BLOC1S5: variants seen among roughly 807,000 people sequenced by gnomAD.
BLOC1S5 encodes the protein biogenesis of lysosome-related organelles complex 1 subunit 5.
Under a neutral mutation model 24.3 loss-of-function variants are expected in BLOC1S5, and 27 were observed. The ratio of observed to expected loss-of-function variants is 1.11; its 90% confidence interval spans 0.82 to 1.53. BLOC1S5 has a LOEUF of 1.53. Ranked by LOEUF, BLOC1S5 falls within the 40% of genes most tolerant of loss-of-function variation. BLOC1S5 has a pLI of 0.00. For missense variants in BLOC1S5, 239 were observed against 229.4 expected (o/e 1.04, Z -0.27); for synonymous variants, 84 against 74.5 (o/e 1.13, Z -0.66).
intron 2 of BLOC1S5, among the ~76,000 whole-genome samples, chr6:8,056,032 G>A (rs554036656): frequency 2.0e-5 from 3 of 152,162 alleles, no homozygotes; most frequent in Non-Finnish European, 2.9e-5. Context: ...AAGTAGACAA[G>A]TTCAGCCCCC....
intron 4 of BLOC1S5, 137 bp from the exon 5 acceptor site, chr6:8,015,965 G>A (rs79121587): frequency 2.8e-6 from 2 of 702,896 alleles, no homozygotes; most frequent in Non-Finnish European, 4.5e-6. Context: ...TCCAAAAAAA[G>A]ATGACACATT....
At chr6:8,026,299 G>C (rs992909701) in intron 4 of BLOC1S5, 68 bp downstream of exon 4, 2 of 1,287,800 alleles carry the variant, frequency 1.6e-6, no homozygotes, top group African/African-American at 1.5e-5. Context: ...CTGATCAAAA[G>C]CAATTGCTAA....
At chr6:8,020,787 T>C (rs753222246) in intron 4 of BLOC1S5, among the ~76,000 whole-genome samples, 17 of 151,972 alleles carry the variant, frequency 1.1e-4, no homozygotes, top group Non-Finnish European at 2.5e-4. Context: ...ATAAAGAAAT[T>C]AGAAAAACAA....
chr6:8,040,213 C>A (rs1763631080), intron 3 of BLOC1S5, among the ~76,000 whole-genome samples: 3 of 152,056 alleles, frequency 2.0e-5, no homozygotes, highest in Admixed American at 6.6e-5. Context: ...CTAGAGTGTT[C>A]AACCATTATA....
At chr6:8,016,338 A>AT (rs1554136790) in intron 4 of BLOC1S5, among the ~76,000 whole-genome samples, 8 of 151,542 alleles carry the variant, frequency 5.3e-5, no homozygotes, top group African/African-American at 1.7e-4. Flanking sequence ...AAAAAAAAAA[A>AT]TTTTTTTTAA....
intron 4 of BLOC1S5, among the ~76,000 whole-genome samples, chr6:8,020,527 C>T (rs1762883175): frequency 6.6e-6 from 1 of 152,190 alleles, no homozygotes; most frequent in African/African-American, 2.4e-5. Context: ...AGAGGCTCTC[C>T]CCACCCCAGC....
intron 4 of BLOC1S5, among the ~76,000 whole-genome samples, chr6:8,019,232 G>C (rs1027671535): frequency 1.1e-4 from 16 of 149,630 alleles, no homozygotes; most frequent in Non-Finnish European, 5.9e-5. Context: ...TCGTTTCCTA[G>C]TTTCCCACTT....
At chr6:8,034,743 A>C (rs528034882) in intron 3 of BLOC1S5, among the ~76,000 whole-genome samples, 1 of 152,284 alleles carries the variant, frequency 6.6e-6, no homozygotes, top group African/African-American at 2.4e-5. Flanking sequence ...GATTCCTTAA[A>C]GAACTAACAG....
At chr6:8,059,227 GT>G (rs1354667150) in intron 2 of BLOC1S5, among the ~76,000 whole-genome samples, 1 of 152,216 alleles carries the variant, frequency 6.6e-6, no homozygotes, top group Non-Finnish European at 1.5e-5. Context: ...GGGAAAAAGA[GT>G]TTGTATAAAG....
At chr6:8,059,432 A>G (rs999089967) in intron 2 of BLOC1S5, among the ~76,000 whole-genome samples, 4 of 152,248 alleles carry the variant, frequency 2.6e-5, no homozygotes, top group African/African-American at 4.8e-5. Context: ...ACATATAAAC[A>G]ACTTTAGTTT....
At chr6:8,016,153 C>T (rs1030233391) in intron 4 of BLOC1S5, among the ~76,000 whole-genome samples, 6 of 152,120 alleles carry the variant, frequency 3.9e-5, no homozygotes, top group Non-Finnish European at 8.8e-5. Context: ...TGGCAAAACT[C>T]CGTCTCTACT....
At chr6:8,031,031 T>C (rs910525661) in intron 3 of BLOC1S5, among the ~76,000 whole-genome samples, 9 of 152,068 alleles carry the variant, frequency 5.9e-5, no homozygotes, top group African/African-American at 2.2e-4. Context: ...TTATACTGAA[T>C]GGGAAAACTT....
At chr6:8,024,181 A>G (rs1317883027) in intron 4 of BLOC1S5, among the ~76,000 whole-genome samples, 1 of 152,014 alleles carries the variant, frequency 6.6e-6, no homozygotes, top group Non-Finnish European at 1.5e-5. Context: ...TTTTTAATAT[A>G]TATTCTATAA....
chr6:8,025,662 C>T (rs564860635), intron 4 of BLOC1S5, among the ~76,000 whole-genome samples: 1 of 152,092 alleles, frequency 6.6e-6, no homozygotes, highest in African/African-American at 2.4e-5. Flanking sequence ...GTGGATTAAC[C>T]ACAACACATT....
At chr6:8,028,674 G>A (rs1035113639) in intron 3 of BLOC1S5, among the ~76,000 whole-genome samples, 2 of 145,412 alleles carry the variant, frequency 1.4e-5, no homozygotes, top group Non-Finnish European at 2.9e-5. Flanking sequence ...GGATTGTTAT[G>A]TTTAGACAGA....
At chr6:8,015,885 G>T (rs754743144) in intron 4 of BLOC1S5, 57 bp from the exon 5 acceptor site, 252 of 1,460,226 alleles carry the variant, frequency 1.7e-4, no homozygotes, top group Non-Finnish European at 1.9e-4. Flanking sequence ...ATTTCATAAC[G>T]TTATCTCTTG....
chr6:8,035,228 C>T (rs1445918110), intron 3 of BLOC1S5, among the ~76,000 whole-genome samples: 2 of 151,960 alleles, frequency 1.3e-5, no homozygotes, highest in Non-Finnish European at 2.9e-5. Flanking sequence ...TAAAAGACTA[C>T]ACATTGGGTA....
chr6:8,053,399 C>G (rs1240427644), intron 2 of BLOC1S5, among the ~76,000 whole-genome samples: 1 of 152,180 alleles, frequency 6.6e-6, no homozygotes, highest in Non-Finnish European at 1.5e-5. Flanking sequence ...CCTTCTGCAA[C>G]CACCACCCTG....
At chr6:8,060,268 T>C (rs1764467030) in intron 2 of BLOC1S5, among the ~76,000 whole-genome samples, 1 of 152,110 alleles carries the variant, frequency 6.6e-6, no homozygotes, top group Non-Finnish European at 1.5e-5. Flanking sequence ...GCTGTAACAA[T>C]CGTGATGTGT....
Sources: allele counts gnomAD v4.1 joint callset (sites outside exome capture counted in the v4.1 genomes callset), GRCh38; gene constraint gnomAD v4.1.1; transcripts MANE v1.5; gene names NCBI Gene and HGNC (gene_info 2026-07-23, HGNC 2026-07-21).